Variants in UGT1A10 observed in about 807,000 individuals in gnomAD.
The protein encoded by UGT1A10 is UDP-glucuronosyltransferase 1A10.
A neutral mutation model predicts 45.8 loss-of-function variants in UGT1A10; 49 were observed. That is an observed-to-expected ratio of 1.07 (90% CI 0.85 to 1.36). The LOEUF (loss-of-function observed/expected upper bound fraction) is 1.36. UGT1A10 is among the 40% of genes most tolerant of loss of function. The probability of loss-of-function intolerance (pLI) is 0.00; values close to 1 mark genes in which losing one functional copy is unlikely to be tolerated. For missense variants in UGT1A10, 745 were observed against 668.6 expected (o/e 1.11, Z -1.26); for synonymous variants, 284 against 249.7 (o/e 1.14, Z -1.29).
At chr2:233,756,852 C>A (rs11568318) in intron 1 of UGT1A10, among the ~76,000 whole-genome samples, 7,795 of 152,070 alleles carry the variant, frequency 0.051, 227 homozygotes, top group African/African-American at 0.061. Context: ...AACATTCTAA[C>A]GGTTCATAAA....
intron 4 of UGT1A10, among the ~76,000 whole-genome samples, chr2:233,771,783 TCTCCCTCCCTCC>T (rs562104634): frequency 6.6e-6 from 1 of 151,556 alleles, no homozygotes; most frequent in African/African-American, 2.4e-5. Context: ...TCCTTTCCTC[TCTCCCTCCCTCC>T]CTCCCTCCCT....
intron 1 of UGT1A10, among the ~76,000 whole-genome samples, chr2:233,689,513 T>A (rs373706138): frequency 6.6e-6 from 1 of 152,208 alleles, no homozygotes; most frequent in East Asian, 1.9e-4. Flanking sequence ...GGTTACACAT[T>A]GGTTTGGTCA....
chr2:233,755,087 T>C (rs758822469), intron 1 of UGT1A10: 3 of 1,335,764 alleles, frequency 2.2e-6, no homozygotes, highest in South Asian at 1.1e-5. Flanking sequence ...AGATATCGCG[T>C]TTCTACGCGT....
intron 1 of UGT1A10, among the ~76,000 whole-genome samples, chr2:233,752,746 AAAAC>A (rs200752387): frequency 3.8e-4 from 58 of 152,306 alleles, no homozygotes; most frequent in East Asian, 2.5e-3. Context: ...CCCTGTCTCT[AAAAC>A]AAACAAACAA....
intron 1 of UGT1A10, chr2:233,743,075 T>C (rs1282774388): frequency 2.9e-6 from 1 of 344,366 alleles, no homozygotes; most frequent in Non-Finnish European, 5.7e-6. Context: ...GGTGTTGGCA[T>C]GAAGTGTTTA....
intron 1 of UGT1A10, chr2:233,671,713 A>G: frequency 1.0e-6 from 1 of 990,960 alleles, no homozygotes; most frequent in Non-Finnish European, 1.4e-6. Flanking sequence ...CAAAGACCAT[A>G]AGCTACTGTT....
chr2:233,767,807 T>C, intron 2 of UGT1A10, 42 bp from the exon 3 acceptor site: 1 of 1,614,158 alleles, frequency 6.2e-7, no homozygotes, highest in Non-Finnish European at 8.5e-7. Flanking sequence ...TCTAATCATA[T>C]TATGTTCTTT....
rs575524527 is a variant in UGT1A10 at position 233,650,119 on chromosome 2, T to C, written c.855+12742T>C. On this transcript the variant is annotated intron_variant, in intron 1 of 4. Coordinates refer to ENST00000344644, the MANE Select transcript of UGT1A10 (RefSeq NM_019075.4). Reference sequence around the variant, plus strand: ...CTGAGTAGCTGGGATTATAGGCACATGCCACCACACCCAGCTAATTTTGTA... The same window carrying C: ...CTGAGTAGCTGGGATTATAGGCACACGCCACCACACCCAGCTAATTTTGTA... Among the ~76,000 whole-genome samples the C allele has an allele frequency of 2.0e-5, 3 of 152,216 alleles. No individual in the cohort carries two copies. The South Asian group carries it at 6.2e-4, about 32-fold the overall frequency.
chr2:233,768,597 T>C (rs1188549543), intron 4 of UGT1A10, among the ~76,000 whole-genome samples, 158 bp downstream of exon 4: 1 of 135,710 alleles, frequency 7.4e-6, no homozygotes, highest in Non-Finnish European at 1.6e-5. Context: ...TTTTTTTTTT[T>C]TTTTTTTGAG....
intron 1 of UGT1A10, chr2:233,747,691 T>G (rs1693753923): frequency 1.2e-6 from 2 of 1,611,090 alleles, no homozygotes; most frequent in Non-Finnish European, 1.7e-6. Context: ...TGTGGGGCAG[T>G]GCTGGCTAAG....
At position 233,756,026 on chromosome 2, in the gene UGT1A10, C is replaced by A. The variant is rs573577160; in HGVS notation, c.856-11008C>A. The stretch of plus-strand genomic sequence containing the variant: ...TATCTATTGTGATATTACACATCCC[C>A]CATGTAGCTTCTGGAAAACTCCACT... On this transcript the variant is annotated intron_variant, in intron 1 of 4. Transcript: ENST00000344644. 66 of 152,322 alleles carry A rather than the reference C, an allele frequency of 4.3e-4. 1 individual carries two copies. The highest frequency in any genetic ancestry group is 1.5e-3 in the African/African-American group (63 of 41,570). The allele number at this position is 152,322 out of a possible 1,614,324, so 9.4% of individuals were successfully genotyped here. A position where few individuals can be genotyped will look rare whatever the true frequency, so the allele number is the denominator to read the frequency against.
At chr2:233,746,459 A>G (rs1222925950) in intron 1 of UGT1A10, among the ~76,000 whole-genome samples, 1 of 151,694 alleles carries the variant, frequency 6.6e-6, no homozygotes, top group African/African-American at 2.4e-5. Flanking sequence ...GTACCTTCAA[A>G]AGGGTTCCAG....
rs562987137 is a variant in UGT1A10, at chr2:233,638,781, C to CTCA, written c.855+1404_855+1405insTCA. Among the ~76,000 whole-genome samples, 208 of 152,210 alleles carry CTCA rather than the reference C, an allele frequency of 1.4e-3. 1 individual carries two copies. The highest frequency in any genetic ancestry group is 4.7e-3 in the African/African-American group (197 of 41,530). ...GGCAGATGGTTGGTGAAAGAGTGAC[C>CTCA]GTTCAGCCATCTCATAGGAAAGTGA... On this transcript the variant is annotated intron_variant, in intron 1 of 4. Coordinates refer to ENST00000344644, the MANE Select transcript of UGT1A10 (RefSeq NM_019075.4).
intron 1 of UGT1A10, among the ~76,000 whole-genome samples, chr2:233,736,093 C>T (rs2125798451): frequency 1.3e-5 from 2 of 152,304 alleles, no homozygotes; most frequent in South Asian, 4.2e-4. Flanking sequence ...TGGATAATAT[C>T]CTGAAGAGTG....
intron 1 of UGT1A10, among the ~76,000 whole-genome samples, chr2:233,677,428 T>C (rs2074390238): frequency 6.6e-6 from 1 of 152,216 alleles, no homozygotes; most frequent in Non-Finnish European, 1.5e-5. Flanking sequence ...TAACTACTAA[T>C]AGCCAACTGT....
intron 4 of UGT1A10, among the ~76,000 whole-genome samples, chr2:233,768,674 C>T (rs1339439419): frequency 6.7e-6 from 1 of 148,950 alleles, no homozygotes; most frequent in Non-Finnish European, 1.5e-5. Context: ...GCAACCTCCA[C>T]CTCCCACGTT....
intron 1 of UGT1A10, chr2:233,708,307 C>G (rs907085580): frequency 7.9e-5 from 12 of 152,182 alleles, no homozygotes; most frequent in African/African-American, 2.9e-4. Context: ...TTTGACAATC[C>G]AATAGGTAAA....
intron 1 of UGT1A10, among the ~76,000 whole-genome samples, chr2:233,746,796 G>A (rs1217306288): frequency 1.3e-5 from 2 of 151,816 alleles, no homozygotes; most frequent in Admixed American, 1.3e-4. Flanking sequence ...TAATTCATGA[G>A]CGTGAATGTG....
chr2:233,670,045 C>G (rs1442212769), intron 1 of UGT1A10, among the ~76,000 whole-genome samples: 1 of 152,110 alleles, frequency 6.6e-6, no homozygotes, highest in African/African-American at 2.4e-5. Context: ...GCACTAGAAG[C>G]CTTACCAATA....
Sources: allele counts gnomAD v4.1 joint callset (sites outside exome capture counted in the v4.1 genomes callset), GRCh38; gene constraint gnomAD v4.1.1; transcripts MANE v1.5; gene names NCBI Gene and HGNC (gene_info 2026-07-23, HGNC 2026-07-21).